Variants in ZDHHC20 observed in about 807,000 individuals in gnomAD.
ZDHHC20 encodes zDHHC palmitoyltransferase 20, also known as palmitoyltransferase ZDHHC20.
A neutral mutation model predicts 57.8 loss-of-function variants in ZDHHC20; 43 were observed. The ratio of observed to expected loss-of-function variants is 0.74; its 90% CI spans 0.58 to 0.96. ZDHHC20 has a LOEUF of 0.96. Among genes scored for constraint, ZDHHC20 ranks in the 40% least tolerant of loss-of-function variants. The pLI is 0.00. For missense variants in ZDHHC20, 391 were observed against 441.1 expected, an observed-to-expected ratio of 0.89 and a Z score of 1.02; for synonymous variants, 157 against 153.0, an observed-to-expected ratio of 1.03 and a Z score of -0.19.
rs866450664 is a variant in ZDHHC20, at chr13:21,422,170, T to G, written c.146-1006A>C. Among the ~76,000 whole-genome samples, 5 of 152,024 alleles carry G rather than the reference T, an allele frequency of 3.3e-5. No homozygotes were observed. In the South Asian group the frequency reaches 8.3e-4, roughly 25 times the overall value. On this transcript the variant is annotated intron_variant, in intron 2 of 12. Coordinates refer to ENST00000400590, the MANE Select transcript of ZDHHC20 (RefSeq NM_001330059.2). ...TATTAGTCTTATCCAGGTATTTTAATGATTTTCTCCAAAATTTGGTCCTTT... is the reference window on the plus strand; with the variant it reads ...TATTAGTCTTATCCAGGTATTTTAAGGATTTTCTCCAAAATTTGGTCCTTT...
At chr13:21,381,574 G>C in intron 10 of ZDHHC20, 25 bp from the exon 11 acceptor site, 1 of 1,495,196 alleles carries the variant, frequency 6.7e-7, no homozygotes, top group Non-Finnish European at 9.3e-7. Flanking sequence ...AAACAACTTA[G>C]TAAACAGCTT....
At chr13:21,399,415 T>C (rs1033617284) in intron 7 of ZDHHC20, among the ~76,000 whole-genome samples, 6 of 151,970 alleles carry the variant, frequency 3.9e-5, no homozygotes, top group Admixed American at 6.5e-5. Context: ...TTTTAAAAAA[T>C]GGCACATGCA....
At chr13:21,451,835 CA>C (rs1370884094) in intron 1 of ZDHHC20, among the ~76,000 whole-genome samples, 1 of 150,358 alleles carries the variant, frequency 6.7e-6, no homozygotes, top group Non-Finnish European at 1.5e-5. Context: ...ACTAAAAATA[CA>C]AAAAAAAATT....
At chr13:21,443,401 G>A (rs2138018045) in intron 1 of ZDHHC20, among the ~76,000 whole-genome samples, 1 of 152,288 alleles carries the variant, frequency 6.6e-6, no homozygotes, top group South Asian at 2.1e-4. Context: ...GTTATCCTCT[G>A]CAGAGTCCCT....
chr13:21,445,175 G>C (rs988694776), intron 1 of ZDHHC20, among the ~76,000 whole-genome samples: 1 of 151,868 alleles, frequency 6.6e-6, no homozygotes, highest in Non-Finnish European at 1.5e-5. Context: ...GATTTGACTA[G>C]TTATAACAAA....
chr13:21,432,574 C>T (rs1882096391), intron 1 of ZDHHC20, among the ~76,000 whole-genome samples: 1 of 152,046 alleles, frequency 6.6e-6, no homozygotes, highest in Non-Finnish European at 1.5e-5. Flanking sequence ...CCTCGTGATC[C>T]ACCTGCCTCG....
chr13:21,417,631 G>T (rs1211218050), intron 3 of ZDHHC20, among the ~76,000 whole-genome samples: 3 of 152,026 alleles, frequency 2.0e-5, no homozygotes, highest in Non-Finnish European at 4.4e-5. Context: ...TAGAGATGGG[G>T]TTTCACCATG....
intron 7 of ZDHHC20, among the ~76,000 whole-genome samples, chr13:21,395,065 C>T (rs1876524001): frequency 1.1e-5 from 1 of 93,736 alleles, no homozygotes; most frequent in Non-Finnish European, 2.0e-5. Flanking sequence ...AGTTTAAATT[C>T]TTTCTTTTTT....
At chr13:21,415,786 A>T (rs1209436334) in intron 3 of ZDHHC20, among the ~76,000 whole-genome samples, 2 of 152,192 alleles carry the variant, frequency 1.3e-5, no homozygotes, top group African/African-American at 2.4e-5. Context: ...TTCTGATCAA[A>T]TTTTACAGAT....
At chr13:21,381,590 T>C in intron 10 of ZDHHC20, 41 bp from the exon 11 acceptor site, 1 of 1,328,190 alleles carries the variant, frequency 7.5e-7, no homozygotes, top group Non-Finnish European at 1.1e-6. Context: ...AGCTTAATGC[T>C]CAACTATGGA....
intron 11 of ZDHHC20, among the ~76,000 whole-genome samples, chr13:21,379,818 C>CTTTTTTTT (rs1438095425): frequency 9.6e-6 from 1 of 104,026 alleles, no homozygotes; most frequent in Non-Finnish European, 1.9e-5. Flanking sequence ...TCTTTTTTTT[C>CTTTTTTTT]TTTTTTCTTT....
intron 1 of ZDHHC20, among the ~76,000 whole-genome samples, chr13:21,450,451 G>T (rs1453137804): frequency 6.6e-6 from 1 of 152,104 alleles, no homozygotes; most frequent in Non-Finnish European, 1.5e-5. Flanking sequence ...AAATAAAACA[G>T]ATCTTTTTTT....
intron 1 of ZDHHC20, among the ~76,000 whole-genome samples, chr13:21,438,731 A>C (rs530641055): frequency 6.6e-6 from 1 of 152,352 alleles, no homozygotes; most frequent in African/African-American, 2.4e-5. Context: ...ACTGTGAGTA[A>C]AATGCTGTCA....
Position 21,400,432 on chromosome 13 carries a change from GGGAATACAATAAAAACAGCA to G in ZDHHC20, c.515_534del (p.Leu172ProfsTer22). On this transcript the variant is annotated frameshift_variant, in exon 7 of 13. Coordinates refer to ENST00000400590, the MANE Select transcript of ZDHHC20 (RefSeq NM_001330059.2). LOFTEE classifies it high-confidence loss of function. ...GCAGCCACGAAAAGGCAATATAATA[GGGAATACAATAAAAACAGCA>G]GGAAGAATTTGTAATTAGAAAATCC... 6.2e-7 allele frequency: 1 copy of G among 1,600,976 alleles called. No individual in the cohort carries two copies. Among genetic ancestry groups the G allele is most frequent in the Non-Finnish European group, 8.5e-7 (1 of 1,174,654 alleles).
At chr13:21,401,755 C>A in intron 5 of ZDHHC20, 70 bp from the exon 6 acceptor site, 2 of 1,382,200 alleles carry the variant, frequency 1.4e-6, no homozygotes, top group South Asian at 1.5e-5. Flanking sequence ...TCATAATTTT[C>A]TTTTATTTGA....
intron 3 of ZDHHC20, among the ~76,000 whole-genome samples, chr13:21,417,403 C>G (rs945755030): frequency 1.3e-5 from 2 of 152,046 alleles, no homozygotes; most frequent in East Asian, 3.9e-4. Context: ...GTATTTATAA[C>G]TTAACTTCCT....
intron 1 of ZDHHC20, among the ~76,000 whole-genome samples, chr13:21,445,459 G>A (rs545763842): frequency 9.2e-5 from 14 of 152,158 alleles, no homozygotes; most frequent in African/African-American, 3.1e-4. Context: ...GACACACAAC[G>A]GGCATACAAT....
At chr13:21,449,342 C>G (rs1884214403) in intron 1 of ZDHHC20, among the ~76,000 whole-genome samples, 1 of 152,212 alleles carries the variant, frequency 6.6e-6, no homozygotes, top group Non-Finnish European at 1.5e-5. Context: ...TAGCAGTCAT[C>G]AGGCAGCTCG....
At chr13:21,411,439 T>C (rs1194333828) in intron 4 of ZDHHC20, among the ~76,000 whole-genome samples, 1 of 152,044 alleles carries the variant, frequency 6.6e-6, no homozygotes, top group East Asian at 1.9e-4. Context: ...ACCTTAGAGA[T>C]TTCCTAGTTC....
Sources: allele counts gnomAD v4.1 joint callset (sites outside exome capture counted in the v4.1 genomes callset), GRCh38; gene constraint gnomAD v4.1.1; transcripts MANE v1.5; gene names NCBI Gene and HGNC (gene_info 2026-07-23, HGNC 2026-07-21).